ANK3: variants seen among roughly 807,000 people sequenced by gnomAD.
ANK3 encodes the protein ankyrin-3.
In ANK3, 57 loss-of-function variants were observed where a neutral mutation model predicts 370.9. The observed-to-expected ratio is 0.15, with a 90% confidence interval of 0.12 to 0.19. The LOEUF (loss-of-function observed/expected upper bound fraction) is 0.19, where lower values mean the gene tolerates loss of function less well. ANK3 is among the 10% of genes least tolerant of loss of function. The pLI is 1.00. For missense variants in ANK3, 4,439 were observed against 5,302.1 expected (o/e 0.84, Z 5.06); for synonymous variants, 1,929 against 1,946.3 (o/e 0.99, Z 0.23).
At chr10:60,525,006 T>C (rs1056856345) in intron 2 of ANK3, among the ~76,000 whole-genome samples, 12 of 152,170 alleles carry the variant, frequency 7.9e-5, no homozygotes, top group African/African-American at 2.4e-4. Context: ...ATATTTGATA[T>C]CAAAACAAAT....
intron 2 of ANK3, among the ~76,000 whole-genome samples, chr10:60,419,009 G>T (rs990247641): frequency 3.3e-5 from 5 of 151,992 alleles, no homozygotes; most frequent in African/African-American, 1.2e-4. Context: ...AAGTGTTTTT[G>T]ATTTCAAAAA....
intron 2 of ANK3, among the ~76,000 whole-genome samples, chr10:60,557,679 G>A (rs1345925559): frequency 6.6e-6 from 1 of 152,028 alleles, no homozygotes; most frequent in Admixed American, 6.6e-5. Flanking sequence ...TTTATGTTAT[G>A]AGTATTTTGT....
At chr10:60,250,516 C>CCT (rs1413657337) in intron 7 of ANK3, among the ~76,000 whole-genome samples, 63 of 152,260 alleles carry the variant, frequency 4.1e-4, no homozygotes, top group African/African-American at 1.3e-3. Context: ...AGGTGCCTGC[C>CCT]ACCACGCCCA....
chr10:60,254,183 C>G (rs957298894), intron 7 of ANK3, among the ~76,000 whole-genome samples: 31 of 151,688 alleles, frequency 2.0e-4, no homozygotes, highest in African/African-American at 6.5e-4. Context: ...AGTTATTATA[C>G]TATATTTTAA....
rs763086860 is a variant in ANK3 at position 60,070,661 on chromosome 10, G to A, written c.10220C>T (p.Thr3407Met). The change falls in exon 37 of 44, where the codon ACG (threonine) becomes ATG (methionine). Residue 3407 changes from threonine (T) to methionine (M), a missense_variant. Around this residue, in one of 13 missense-constraint regions of ANK3, gnomAD observed 1,601 missense variants for 1,731.7 expected, o/e 0.92. Coordinates refer to ENST00000280772, the MANE Select transcript of ANK3 (RefSeq NM_020987.5). This position sits in a 1 kb window ranked among gnomAD's most constrained non-coding sequence, Gnocchi z 5.7. Reference protein sequence around the residue: ...IATTAEFSHDTDATEIDSLDG... With the variant: ...IATTAEFSHDMDATEIDSLDG... ...CAGAGAGTCGATCTCTGTGGCATCC[G>A]TGTCATGAGAAAACTCTGCTGTGGT... The A allele has an allele frequency of 6.2e-6, 10 of 1,614,136 alleles. No individual in the cohort carries two copies. Among genetic ancestry groups the A allele is most frequent in the East Asian group, 2.2e-5 (1 of 44,878 alleles).
intron 2 of ANK3, among the ~76,000 whole-genome samples, chr10:60,555,529 T>C (rs2077186993): frequency 6.6e-6 from 1 of 151,558 alleles, no homozygotes; most frequent in Non-Finnish European, 1.5e-5. Flanking sequence ...TATAAATAAA[T>C]ATAAGGCAAG....
At chr10:60,416,917 T>C (rs2063680877) in intron 2 of ANK3, among the ~76,000 whole-genome samples, 1 of 152,160 alleles carries the variant, frequency 6.6e-6, no homozygotes, top group African/African-American at 2.4e-5. Context: ...AATTACACCA[T>C]AATAGAATTG....
chr10:60,257,893 T>C (rs2097760228), intron 7 of ANK3, among the ~76,000 whole-genome samples: 1 of 152,220 alleles, frequency 6.6e-6, no homozygotes, highest in Admixed American at 6.5e-5. Context: ...TATTCAATTA[T>C]CTTCTCAAAA....
At chr10:60,707,175 C>T (rs1185210789) in intron 1 of ANK3, among the ~76,000 whole-genome samples, 1 of 152,118 alleles carries the variant, frequency 6.6e-6, no homozygotes, top group Admixed American at 6.5e-5. Context: ...TAATTTGGAT[C>T]ATGTAAAATC....
At chr10:60,586,881 G>A (rs192275215) in intron 2 of ANK3, among the ~76,000 whole-genome samples, 31 of 152,206 alleles carry the variant, frequency 2.0e-4, no homozygotes, top group African/African-American at 6.3e-4. Context: ...TAGGGGTTAC[G>A]GCAGCTGTAA....
intron 29 of ANK3, 104 bp downstream of exon 29, chr10:60,088,043 A>C (rs1203712372): frequency 2.3e-6 from 2 of 888,398 alleles, no homozygotes. Flanking sequence ...AAACGGCCTA[A>C]TTAGCAGTAT....
intron 10 of ANK3, 54 bp downstream of exon 10, chr10:60,207,982 C>G: frequency 6.8e-7 from 1 of 1,466,578 alleles, no homozygotes; most frequent in East Asian, 2.3e-5. Context: ...CATACAGAGG[C>G]AGCACGTTGT....
chr10:60,075,567 C>T lies in ANK3; in HGVS notation c.5314G>A (p.Ala1772Thr), dbSNP rs1166732824. The change falls in exon 37 of 44, where the codon GCA becomes ACA. Residue 1772 changes from alanine to threonine, a missense_variant. Around this residue, in one of 13 missense-constraint regions of ANK3, gnomAD observed 679 missense variants for 791.0 expected, o/e 0.86. Transcript: ENST00000280772. ...GACCTGAGTGGGGAAAATGGCATTG[C>T]AGTCGTGGTAGAAAACACTTTCTCA... ...TVEKVFSTTTAMPFSPLRSYV... is the reference protein window; with the variant it reads ...TVEKVFSTTTTMPFSPLRSYV... The T allele has an allele frequency of 2.5e-6, 4 of 1,614,018 alleles. No homozygotes were observed. The highest frequency in any genetic ancestry group is 3.4e-6 in the Non-Finnish European group (4 of 1,179,994).
At chr10:60,078,778 G>C (rs1268308766) in intron 36 of ANK3, among the ~76,000 whole-genome samples, 1 of 152,170 alleles carries the variant, frequency 6.6e-6, no homozygotes, top group African/African-American at 2.4e-5. Flanking sequence ...CCAGTTTTGA[G>C]ACTTACTTTT....
chr10:60,724,027 G>A lies in ANK3; in HGVS notation c.57+9236C>T, dbSNP rs867133641. 1.1e-4 allele frequency among the ~76,000 whole-genome samples: 15 copies of A among 141,530 alleles called. No individual in the cohort carries two copies. The South Asian group carries it at 1.3e-3, about 12-fold the overall frequency. 92.8% of individuals were successfully genotyped at this position (141,530 alleles called of 152,430 possible). A position where few individuals can be genotyped will look rare whatever the true frequency, so the allele number is the denominator to read the frequency against. On this transcript the variant is annotated intron_variant, in intron 1 of 43. Transcript: ENST00000373827. ...AAATCGAGACCATCCTGGCTAACAC[G>A]GTGAAACCCCGTCTCTACTAAAAAT...
intron 2 of ANK3, among the ~76,000 whole-genome samples, chr10:60,517,979 A>T (rs1028758197): frequency 6.6e-6 from 1 of 152,132 alleles, no homozygotes; most frequent in Non-Finnish European, 1.5e-5. Flanking sequence ...CATCATAAAC[A>T]TGAGAATAAT....
intron 1 of ANK3, among the ~76,000 whole-genome samples, chr10:60,294,775 A>G (rs891694610): frequency 6.6e-6 from 1 of 152,198 alleles, no homozygotes; most frequent in Non-Finnish European, 1.5e-5. Context: ...TGTAAGTGAC[A>G]TTTATATTTT....
intron 1 of ANK3, among the ~76,000 whole-genome samples, chr10:60,384,683 G>C (rs2062012692): frequency 6.6e-6 from 1 of 152,162 alleles, no homozygotes. Context: ...AGGGTTATTA[G>C]GAAGACTAAA....
At chr10:60,258,177 AAG>A (rs2097762605) in intron 7 of ANK3, among the ~76,000 whole-genome samples, 2 of 152,228 alleles carry the variant, frequency 1.3e-5, no homozygotes, top group South Asian at 4.1e-4. Context: ...ATGATTTGCA[AAG>A]AGAGCAAGGG....
Sources: gnomAD v4.1 joint callset for allele counts (sites outside exome capture counted in the v4.1 genomes callset) on GRCh38, gnomAD v4.1.1 for gene constraint, gnomAD v4.1.1 regional missense constraint, Gnocchi (gnomAD v3.1) non-coding constraint, MANE v1.5 for transcripts, NCBI Gene and HGNC (gene_info 2026-07-23, HGNC 2026-07-21) for gene names.